CCDC192: variants seen among roughly 807,000 people sequenced by gnomAD.
CCDC192 encodes coiled-coil domain-containing protein 192.
At chr5:127,841,942 A>G (rs1427235647) in intron 5 of CCDC192, among the ~76,000 whole-genome samples, 1 of 152,198 alleles carries the variant, frequency 6.6e-6, no homozygotes, top group African/African-American at 2.4e-5. Flanking sequence ...ATGAATGTTG[A>G]CTATTGCTTG....
intron 2 of CCDC192, among the ~76,000 whole-genome samples, chr5:127,725,314 G>A (rs1184061379): frequency 6.6e-6 from 1 of 152,106 alleles, no homozygotes; most frequent in African/African-American, 2.4e-5. Context: ...AAGATTCATA[G>A]TCTATTTCAC....
intron 6 of CCDC192, among the ~76,000 whole-genome samples, chr5:127,885,891 C>G (rs929509647): frequency 1.3e-5 from 2 of 152,130 alleles, no homozygotes; most frequent in African/African-American, 4.8e-5. Context: ...GATTACCCTA[C>G]TATGCCTCTA....
chr5:127,920,388 C>T (rs1282293678), intron 6 of CCDC192, among the ~76,000 whole-genome samples: 1 of 146,570 alleles, frequency 6.8e-6, no homozygotes, highest in Non-Finnish European at 1.5e-5. Flanking sequence ...TTCTAGGAAG[C>T]TAAAAGGAAC....
At chr5:127,934,479 G>T (rs1233133994) in intron 6 of CCDC192, among the ~76,000 whole-genome samples, 1 of 152,120 alleles carries the variant, frequency 6.6e-6, no homozygotes, top group Non-Finnish European at 1.5e-5. Flanking sequence ...ACTTCAGATG[G>T]ATCCTAAATG....
chr5:127,749,883 T>G (rs1754030654), intron 2 of CCDC192, among the ~76,000 whole-genome samples: 1 of 152,164 alleles, frequency 6.6e-6, no homozygotes, highest in African/African-American at 2.4e-5. Flanking sequence ...TCTTCTAGAT[T>G]TTCTAGTTTA....
In CCDC192 at chr5:127,855,669, A is replaced by G. The variant is rs532986735; in HGVS notation, c.412-19869A>G. On this transcript the variant is annotated intron_variant, in intron 5 of 6. Coordinates refer to ENST00000514853, the MANE Select transcript of CCDC192 (RefSeq NM_001317938.2). Reference sequence around the variant, plus strand: ...TAGTCTGACAAAATGTATTTCTTAAATATTAAGACTTGAAAGTCAAAATTA... The same window carrying G: ...TAGTCTGACAAAATGTATTTCTTAAGTATTAAGACTTGAAAGTCAAAATTA... Among the ~76,000 whole-genome samples the G allele has an allele frequency of 9.2e-5, 14 of 152,388 alleles. No individual in the cohort carries two copies. In the Middle Eastern group the frequency reaches 0.01, roughly 111 times the overall value.
intron 3 of CCDC192, among the ~76,000 whole-genome samples, chr5:127,773,264 T>C (rs1429696891): frequency 6.6e-6 from 1 of 152,198 alleles, no homozygotes; most frequent in African/African-American, 2.4e-5. Flanking sequence ...TCATTTATTT[T>C]CTATTTTTAA....
intron 6 of CCDC192, among the ~76,000 whole-genome samples, chr5:127,902,353 G>GTTTT (rs769152542): frequency 2.1e-5 from 3 of 143,908 alleles, no homozygotes; most frequent in Non-Finnish European, 3.1e-5. Context: ...AGCTATAAAA[G>GTTTT]TTTTTTTTTT....
chr5:127,910,106 T>C (rs917202526), intron 6 of CCDC192, among the ~76,000 whole-genome samples: 8 of 152,224 alleles, frequency 5.3e-5, no homozygotes, highest in Admixed American at 3.9e-4. Context: ...CAAAGAAAAG[T>C]TGACCTTTCT....
chr5:127,938,998 C>G (rs916383949), intron 6 of CCDC192, among the ~76,000 whole-genome samples: 1 of 152,144 alleles, frequency 6.6e-6, no homozygotes, highest in African/African-American at 2.4e-5. Flanking sequence ...GACTCTCTCT[C>G]CTGGGCTGGA....
intron 2 of CCDC192, among the ~76,000 whole-genome samples, chr5:127,738,752 T>A (rs1288649667): frequency 6.6e-6 from 1 of 152,252 alleles, no homozygotes; most frequent in Non-Finnish European, 1.5e-5. Flanking sequence ...ATTCGTCACG[T>A]AGTTCTCGAG....
chr5:127,742,812 T>G (rs565686761), intron 2 of CCDC192, among the ~76,000 whole-genome samples: 1 of 152,196 alleles, frequency 6.6e-6, no homozygotes, highest in African/African-American at 2.4e-5. Flanking sequence ...TGGAATCAAT[T>G]TGGCTTCATG....
intron 6 of CCDC192, among the ~76,000 whole-genome samples, chr5:127,904,322 T>C (rs1351528686): frequency 2.0e-5 from 3 of 152,168 alleles, no homozygotes; most frequent in South Asian, 2.1e-4. Flanking sequence ...TGTAAGGTAA[T>C]GAATGTGTGT....
chr5:127,769,936 G>C (rs975257284), intron 3 of CCDC192, among the ~76,000 whole-genome samples: 6 of 152,106 alleles, frequency 3.9e-5, no homozygotes, highest in Non-Finnish European at 8.8e-5. Context: ...TATAGAGATA[G>C]AGATAAAAAC....
intron 6 of CCDC192, among the ~76,000 whole-genome samples, chr5:127,898,718 G>A (rs1752962056): frequency 2.0e-5 from 3 of 152,098 alleles, no homozygotes; most frequent in Non-Finnish European, 4.4e-5. Flanking sequence ...ATCCCTGCAT[G>A]GTACCCTTCA....
intron 5 of CCDC192, among the ~76,000 whole-genome samples, chr5:127,809,397 A>C (rs976392251): frequency 6.6e-6 from 1 of 152,192 alleles, no homozygotes; most frequent in African/African-American, 2.4e-5. Flanking sequence ...CTAACAGCCA[A>C]AGGCAGATCA....
intron 2 of CCDC192, among the ~76,000 whole-genome samples, chr5:127,751,263 T>C (rs897797803): frequency 5.3e-5 from 8 of 152,220 alleles, no homozygotes; most frequent in Non-Finnish European, 8.8e-5. Flanking sequence ...CAGTTGTTCC[T>C]TTCCATGTTT....
At chr5:127,788,901 G>T (rs953021696) in intron 3 of CCDC192, among the ~76,000 whole-genome samples, 4 of 152,250 alleles carry the variant, frequency 2.6e-5, no homozygotes, top group Non-Finnish European at 5.9e-5. Context: ...AATAATTAAG[G>T]TCGTGAGGTT....
Position 127,922,782 on chromosome 5 carries a change from TA to T in CCDC192, c.536-18397del, listed in dbSNP as rs563116071. Among the ~76,000 whole-genome samples, 351 of 152,070 alleles carry T rather than the reference TA, an allele frequency of 2.3e-3. No homozygotes were observed. In the Middle Eastern group the frequency reaches 0.031, roughly 13 times the overall value. Reference sequence around the variant, plus strand: ...AACAAAGCAAGGAGGAAAGAAAGCTTAAACATCAATTGCATAGCTCACTCAC... The same window carrying T: ...AACAAAGCAAGGAGGAAAGAAAGCTTAACATCAATTGCATAGCTCACTCAC... On this transcript the variant is annotated intron_variant, in intron 6 of 6. Coordinates refer to ENST00000514853, the MANE Select transcript of CCDC192 (RefSeq NM_001317938.2).
Sources: allele counts gnomAD v4.1 joint callset (sites outside exome capture counted in the v4.1 genomes callset), GRCh38; gene constraint gnomAD v4.1.1; transcripts MANE v1.5; gene names NCBI Gene and HGNC (gene_info 2026-07-23, HGNC 2026-07-21).